SHC4: variants seen among roughly 807,000 people sequenced by gnomAD.
SHC4 encodes SHC-transforming protein 4.
SHC4 carries 41 observed loss-of-function variants against 69.4 expected under a neutral mutation model. That is an observed-to-expected ratio of 0.59 (90% confidence interval 0.46 to 0.77). The LOEUF is 0.77. Among genes scored for constraint, SHC4 ranks in the 30% least tolerant of loss-of-function variants. The pLI is 0.00. For missense variants in SHC4, 777 were observed against 783.8 expected, an observed-to-expected ratio of 0.99 and a Z score of 0.10; for synonymous variants, 318 against 299.3, an observed-to-expected ratio of 1.06 and a Z score of -0.64.
chr15:48,838,935 A>T (rs1898944995), intron 10 of SHC4, among the ~76,000 whole-genome samples: 1 of 152,118 alleles, frequency 6.6e-6, no homozygotes, highest in Non-Finnish European at 1.5e-5. Context: ...TATTTAAAAA[A>T]TATAATAGAT....
intron 6 of SHC4, among the ~76,000 whole-genome samples, chr15:48,862,146 CAT>C (rs1239449588): frequency 6.6e-6 from 1 of 150,890 alleles, no homozygotes; most frequent in East Asian, 1.9e-4. Context: ...TAACTATAAA[CAT>C]AAATAAAAAT....
chr15:48,903,499 A>C (rs1041158305), intron 2 of SHC4, among the ~76,000 whole-genome samples: 1 of 152,172 alleles, frequency 6.6e-6, no homozygotes, highest in African/African-American at 2.4e-5. Context: ...GCAAAAACAA[A>C]ACAATTAAAA....
intron 11 of SHC4, 101 bp from the exon 12 acceptor site, chr15:48,826,227 A>T (rs936186101): frequency 1.8e-6 from 2 of 1,107,198 alleles, no homozygotes; most frequent in Admixed American, 2.8e-5. Context: ...CCTAAAGTAG[A>T]TACTTTGCTG....
chr15:48,865,809 G>T (rs1899548523), intron 6 of SHC4, among the ~76,000 whole-genome samples: 1 of 152,158 alleles, frequency 6.6e-6, no homozygotes, highest in Non-Finnish European at 1.5e-5. Flanking sequence ...ATCCCCAGGG[G>T]TCCTCTTCAA....
intron 2 of SHC4, among the ~76,000 whole-genome samples, chr15:48,918,511 T>A (rs1040065521): frequency 2.5e-4 from 38 of 152,252 alleles, no homozygotes; most frequent in African/African-American, 8.7e-4. Context: ...TTCAGGTTGT[T>A]TTGTTACCGA....
chr15:48,891,457 A>C (rs540976761), intron 2 of SHC4, among the ~76,000 whole-genome samples: 1 of 152,322 alleles, frequency 6.6e-6, no homozygotes, highest in African/African-American at 2.4e-5. Flanking sequence ...CGCTAAAATA[A>C]GTAGTTGCTC....
chr15:48,926,305 C>T (rs1445296256), intron 1 of SHC4, among the ~76,000 whole-genome samples: 2 of 152,114 alleles, frequency 1.3e-5, no homozygotes, highest in South Asian at 2.1e-4. Flanking sequence ...TGAAAGTGAT[C>T]TGTTGTCTCC....
chr15:48,889,314 C>T (rs1318575933), intron 3 of SHC4, among the ~76,000 whole-genome samples: 1 of 152,128 alleles, frequency 6.6e-6, no homozygotes, highest in Non-Finnish European at 1.5e-5. Flanking sequence ...TGTTTCATAC[C>T]GTGTGGATTC....
At chr15:48,881,205 C>G (rs957251473) in intron 4 of SHC4, among the ~76,000 whole-genome samples, 1 of 152,082 alleles carries the variant, frequency 6.6e-6, no homozygotes, top group Non-Finnish European at 1.5e-5. Context: ...GGCCACAGAT[C>G]TATTTTGTTT....
At chr15:48,938,850 A>G (rs1387301675) in intron 1 of SHC4, among the ~76,000 whole-genome samples, 1 of 152,234 alleles carries the variant, frequency 6.6e-6, no homozygotes, top group African/African-American at 2.4e-5. Context: ...GGAATATGGC[A>G]TACAGTCTAG....
chr15:48,915,059 G>A (rs1900592871), intron 2 of SHC4, among the ~76,000 whole-genome samples: 1 of 152,198 alleles, frequency 6.6e-6, no homozygotes, highest in Admixed American at 6.5e-5. Flanking sequence ...TGTTTCAATA[G>A]GGTTCTTTAT....
At chr15:48,879,791 T>C (rs1032467460) in intron 4 of SHC4, 2 of 167,082 alleles carry the variant, frequency 1.2e-5, no homozygotes, top group Admixed American at 1.3e-4. Context: ...ATAATAAAAT[T>C]TCTTGTTCTG....
In SHC4 at chr15:48,943,949, T is replaced by C. The variant is rs552705811; in HGVS notation, c.585+18482A>G. Among the ~76,000 whole-genome samples, 4 of 151,894 alleles carry C rather than the reference T, an allele frequency of 2.6e-5. No homozygotes were observed. In the East Asian group the frequency reaches 7.9e-4, roughly 30 times the overall value. On this transcript the variant is annotated intron_variant, in intron 1 of 11. Transcript: ENST00000332408. The stretch of plus-strand genomic sequence containing the variant: ...AATGGCAGTTTTTAAGCTGCGTACA[T>C]TGGGGATCTGTTAGTAAGGTAGAAA...
chr15:48,849,155 C>T (rs899301782), intron 9 of SHC4, among the ~76,000 whole-genome samples: 7 of 152,130 alleles, frequency 4.6e-5, no homozygotes, highest in African/African-American at 1.7e-4. Flanking sequence ...TGAGCTCTCT[C>T]TGTCCCAGTG....
chr15:48,834,828 G>C lies in SHC4; in HGVS notation c.1678C>G (p.Leu560Val). ...ESATSPGQYV[L>V]SGLQGGQAKH... ...GCTTGGCCTCCCTGTAGTCCACTCA[G>C]CACATATTGGCCAGGGGATGTTGCA... The change falls in exon 11 of 12, where the codon CTG (leucine) becomes GTG (valine). Residue 560 changes from leucine (L) to valine (V), a missense_variant. Physicochemically the swap from Leu to Val is conservative, Grantham distance 32 (BLOSUM62 1). Transcript: ENST00000332408. 3 of 1,614,142 alleles carry C rather than the reference G, an allele frequency of 1.9e-6. No homozygotes were observed. Among genetic ancestry groups the C allele is most frequent in the Non-Finnish European group, 2.5e-6 (3 of 1,180,020 alleles).
Position 48,884,271 on chromosome 15 carries a change from A to G in SHC4, c.817T>C (p.Leu273=), listed in dbSNP as rs779963907. The G allele has an allele frequency of 3.2e-5, 51 of 1,607,072 alleles. 1 individual carries two copies. The highest frequency in any genetic ancestry group is 2.7e-4 in the Admixed American group (16 of 58,386). The change falls in exon 4 of 12, where the codon TTG becomes CTG. Residue 273 remains leucine, a synonymous_variant. Transcript: ENST00000332408. The part of the protein sequence containing the change: ...KLTISTCSLT[L]MNLDNQQIIA... Reference sequence around the variant, plus strand: ...ACCTGTTGGTTGTCAAGATTCATCAATGTGAGACTGCATGTTGAGATGGTC... The same window carrying G: ...ACCTGTTGGTTGTCAAGATTCATCAGTGTGAGACTGCATGTTGAGATGGTC...
intron 2 of SHC4, among the ~76,000 whole-genome samples, chr15:48,895,089 G>A (rs1018748045): frequency 2.6e-5 from 4 of 152,120 alleles, no homozygotes; most frequent in African/African-American, 9.7e-5. Flanking sequence ...AGAGGTGTGA[G>A]CCACAGCTCC....
At chr15:48,857,605 G>T in intron 7 of SHC4, 87 bp downstream of exon 7, 1 of 1,192,792 alleles carries the variant, frequency 8.4e-7, no homozygotes, top group Non-Finnish European at 1.1e-6. Flanking sequence ...CCACATTAAT[G>T]TTATATATAC....
At position 48,890,897 on chromosome 15, in the gene SHC4, C is replaced by A; in HGVS notation, c.657-86G>T. ...TAAGAAATGTTAGAAATTATCACGACCAAAAAGTACACATACATAATAGTG... is the reference window on the plus strand; with the variant it reads ...TAAGAAATGTTAGAAATTATCACGAACAAAAAGTACACATACATAATAGTG... On this transcript the variant is annotated intron_variant, in intron 2 of 11. Coordinates refer to ENST00000332408, the MANE Select transcript of SHC4 (RefSeq NM_203349.4). The A allele has an allele frequency of 2.2e-6, 3 of 1,389,902 alleles. 1 individual carries two copies. The Middle Eastern group carries it at 5.3e-4, about 244-fold the overall frequency. The allele number at this position is 1,389,902 out of a possible 1,614,324, so 86.1% of individuals were successfully genotyped here. A position where few individuals can be genotyped will look rare whatever the true frequency, so the allele number is the denominator to read the frequency against.
Sources: allele counts gnomAD v4.1 joint callset (sites outside exome capture counted in the v4.1 genomes callset), GRCh38; gene constraint gnomAD v4.1.1; transcripts MANE v1.5; gene names NCBI Gene and HGNC (gene_info 2026-07-23, HGNC 2026-07-21).